Variants in ANKS1B observed in about 807,000 individuals in gnomAD.
The protein encoded by ANKS1B is ankyrin repeat and sterile alpha motif domain containing 1B, also known as ankyrin repeat and sterile alpha motif domain-containing protein 1B.
ANKS1B carries 36 observed loss-of-function variants against 148.3 expected under a neutral mutation model. The observed-to-expected ratio is 0.24, with a 90% CI of 0.19 to 0.32. ANKS1B has a LOEUF of 0.32. ANKS1B is among the 10% of genes least tolerant of loss of function. The pLI, the probability that ANKS1B is intolerant of heterozygous loss-of-function variation, is 1.00. For missense variants in ANKS1B, 1,157 were observed against 1,542.6 expected, an observed-to-expected ratio of 0.75 and a Z score of 4.19; for synonymous variants, 542 against 560.8, an observed-to-expected ratio of 0.97 and a Z score of 0.47.
At chr12:98,792,326 C>T (rs2098880853) in intron 22 of ANKS1B, among the ~76,000 whole-genome samples, 1 of 152,084 alleles carries the variant, frequency 6.6e-6, no homozygotes, top group Non-Finnish European at 1.5e-5. Flanking sequence ...TATCAATTGA[C>T]ACATAATAAC....
At chr12:98,795,250 T>C (rs2098937648) in intron 22 of ANKS1B, among the ~76,000 whole-genome samples, 2 of 152,220 alleles carry the variant, frequency 1.3e-5, no homozygotes, top group Admixed American at 1.3e-4. Flanking sequence ...AACTAACAAT[T>C]TGTATGACAG....
At chr12:98,841,089 C>A (rs761805638) in intron 17 of ANKS1B, among the ~76,000 whole-genome samples, 3 of 152,092 alleles carry the variant, frequency 2.0e-5, no homozygotes, top group Non-Finnish European at 2.9e-5. Flanking sequence ...TTTTGCTAAC[C>A]ATGCAGGATA....
At chr12:99,415,736 T>C (rs761929466) in intron 11 of ANKS1B, among the ~76,000 whole-genome samples, 24 of 151,868 alleles carry the variant, frequency 1.6e-4, no homozygotes, top group Non-Finnish European at 3.4e-4. Context: ...CAGGCTGGAG[T>C]GTAGTGGTGA....
At chr12:99,633,393 C>T (rs1230422811) in intron 9 of ANKS1B, among the ~76,000 whole-genome samples, 1 of 152,044 alleles carries the variant, frequency 6.6e-6, no homozygotes, top group African/African-American at 2.4e-5. Flanking sequence ...GGAAAGGATT[C>T]CCTATTTAAT....
intron 17 of ANKS1B, among the ~76,000 whole-genome samples, chr12:98,956,074 A>G (rs969843437): frequency 6.6e-6 from 1 of 152,218 alleles, no homozygotes; most frequent in Non-Finnish European, 1.5e-5. Context: ...AATGTTCTCT[A>G]GAGCCACACC....
intron 17 of ANKS1B, among the ~76,000 whole-genome samples, chr12:98,910,360 T>C (rs761610280): frequency 3.3e-4 from 50 of 152,270 alleles, no homozygotes; most frequent in Non-Finnish European, 4.7e-4. Context: ...GAGGATGATA[T>C]AGTGATATTT....
In ANKS1B at chr12:99,863,498, G is replaced by A. The variant is rs185809624; in HGVS notation, c.135-38109C>T. On this transcript the variant is annotated intron_variant, in intron 1 of 26. Coordinates refer to ENST00000683438, the MANE Select transcript of ANKS1B (RefSeq NM_001352186.2). ...TGGGAGGCCAAGGCAGGTGGATCAC[G>A]AAGTCAGGAGATTGAGACCATCCTG... is the stretch of plus-strand genomic sequence containing the variant. 2.6e-4 allele frequency among the ~76,000 whole-genome samples: 40 copies of A among 151,344 alleles called. 1 individual carries two copies. Among genetic ancestry groups the A allele is most frequent in the African/African-American group, 8.0e-4 (33 of 41,214 alleles).
intron 9 of ANKS1B, among the ~76,000 whole-genome samples, chr12:99,546,508 C>G (rs2097173885): frequency 6.6e-6 from 1 of 152,158 alleles, no homozygotes; most frequent in South Asian, 2.1e-4. Flanking sequence ...TTTCACATAT[C>G]TGCTGCTCTC....
intron 12 of ANKS1B, among the ~76,000 whole-genome samples, chr12:99,321,706 A>G (rs1259489291): frequency 1.3e-5 from 2 of 152,034 alleles, no homozygotes; most frequent in African/African-American, 4.8e-5. Context: ...TGTCCGACAA[A>G]CCCCACTGAG....
chr12:99,580,769 G>T (rs116756381), intron 9 of ANKS1B, among the ~76,000 whole-genome samples: 1,997 of 152,190 alleles, frequency 0.013, 52 homozygotes, highest in African/African-American at 0.046. Flanking sequence ...ACATAGAAAT[G>T]ATCAATATTT....
intron 12 of ANKS1B, among the ~76,000 whole-genome samples, chr12:99,322,973 G>A (rs2085590705): frequency 6.6e-6 from 1 of 152,088 alleles, no homozygotes; most frequent in Non-Finnish European, 1.5e-5. Flanking sequence ...TGATTGTGAG[G>A]CCCCCTGGTC....
chr12:99,442,361 T>C (rs2095562757), intron 11 of ANKS1B, among the ~76,000 whole-genome samples: 1 of 151,836 alleles, frequency 6.6e-6, no homozygotes. Context: ...ATTTTTCTTC[T>C]CCACATATTG....
At chr12:99,027,533 C>T (rs2099949470) in intron 17 of ANKS1B, among the ~76,000 whole-genome samples, 2 of 152,192 alleles carry the variant, frequency 1.3e-5, no homozygotes, top group South Asian at 4.1e-4. Context: ...ACTCAGAGGA[C>T]TGCATGAAAC....
At chr12:98,948,765 A>ACCCC (rs1384115911) in intron 17 of ANKS1B, among the ~76,000 whole-genome samples, 4 of 127,324 alleles carry the variant, frequency 3.1e-5, no homozygotes, top group Admixed American at 1.5e-4. Context: ...TCACACACCC[A>ACCCC]CACCCCCCCC....
At chr12:99,048,285 C>G (rs983074573) in intron 17 of ANKS1B, among the ~76,000 whole-genome samples, 3 of 152,128 alleles carry the variant, frequency 2.0e-5, no homozygotes, top group Non-Finnish European at 4.4e-5. Context: ...CACAATTTTC[C>G]TTTCTGCACA....
intron 12 of ANKS1B, among the ~76,000 whole-genome samples, chr12:99,279,303 C>A (rs1051193339): frequency 6.6e-6 from 1 of 152,134 alleles, no homozygotes; most frequent in Non-Finnish European, 1.5e-5. Context: ...AGGAAAAGGG[C>A]TATTGAGATA....
intron 1 of ANKS1B, among the ~76,000 whole-genome samples, chr12:99,941,862 G>C (rs2094928259): frequency 6.6e-6 from 1 of 152,118 alleles, no homozygotes. Context: ...CTAAGAGGAT[G>C]GCATCACCAT....
At chr12:99,671,231 C>G (rs972760582) in intron 8 of ANKS1B, among the ~76,000 whole-genome samples, 1 of 152,086 alleles carries the variant, frequency 6.6e-6, no homozygotes, top group East Asian at 1.9e-4. Flanking sequence ...TGTGTATATA[C>G]GTTTTGATTA....
chr12:99,638,164 T>G (rs1212836888), intron 9 of ANKS1B, among the ~76,000 whole-genome samples: 1 of 152,166 alleles, frequency 6.6e-6, no homozygotes, highest in Non-Finnish European at 1.5e-5. Flanking sequence ...GGGGGACTGC[T>G]ATAAAGACAC....
Sources: allele counts gnomAD v4.1 joint callset (sites outside exome capture counted in the v4.1 genomes callset), GRCh38; gene constraint gnomAD v4.1.1; transcripts MANE v1.5; gene names NCBI Gene and HGNC (gene_info 2026-07-23, HGNC 2026-07-21).